Variants in SGCZ observed in about 807,000 individuals in gnomAD.
SGCZ encodes the protein sarcoglycan zeta, also known as zeta-sarcoglycan.
In SGCZ, 40 loss-of-function variants were observed where a neutral mutation model predicts 41.3. The ratio of observed to expected loss-of-function variants is 0.97; its 90% confidence interval spans 0.75 to 1.26. The LOEUF is 1.26. SGCZ is among the 50% of genes most tolerant of loss of function. The pLI is 0.00. For synonymous variants in SGCZ, 206 were observed against 137.5 expected, an observed-to-expected ratio of 1.50 and a Z score of -3.49; for missense variants, 552 against 369.8, an observed-to-expected ratio of 1.49 and a Z score of -4.04.
chr8:14,689,926 C>A (rs1405601607), intron 1 of SGCZ, among the ~76,000 whole-genome samples: 1 of 152,124 alleles, frequency 6.6e-6, no homozygotes, highest in Admixed American at 6.6e-5. Context: ...CTACGCAGGA[C>A]ACTGAAGAAA....
At chr8:15,172,089 C>T (rs1438405103) in intron 1 of SGCZ, among the ~76,000 whole-genome samples, 1 of 140,750 alleles carries the variant, frequency 7.1e-6, no homozygotes, top group East Asian at 2.1e-4. Flanking sequence ...GCCCGTTAAG[C>T]AAAATAGAAC....
intron 1 of SGCZ, among the ~76,000 whole-genome samples, chr8:15,187,944 G>C (rs186044292): frequency 2.0e-5 from 3 of 152,026 alleles, no homozygotes; most frequent in African/African-American, 7.2e-5. Context: ...TGTTGCTGTG[G>C]GTGAGTAGGG....
intron 4 of SGCZ, among the ~76,000 whole-genome samples, chr8:14,186,426 G>A (rs895166123): frequency 2.0e-5 from 3 of 152,144 alleles, no homozygotes; most frequent in Non-Finnish European, 4.4e-5. Context: ...CTTCATCTAT[G>A]TCACAGTATT....
intron 4 of SGCZ, among the ~76,000 whole-genome samples, chr8:14,189,012 C>G (rs1251900338): frequency 1.0e-5 from 1 of 96,492 alleles, no homozygotes; most frequent in Non-Finnish European, 1.9e-5. Flanking sequence ...CCTGCCACCA[C>G]GCCCAGCTTT....
chr8:14,751,582 G>A (rs1344107019), intron 1 of SGCZ, among the ~76,000 whole-genome samples: 3 of 152,112 alleles, frequency 2.0e-5, no homozygotes, highest in Non-Finnish European at 4.4e-5. Flanking sequence ...TATTTCCACA[G>A]ATTGAAGTCA....
In SGCZ at chr8:14,205,604, A is replaced by T. The variant is rs78252715; in HGVS notation, c.424+31988T>A. ...TAAATGATCTATTATATTTTCTTCA[A>T]TCTGACAAAGCAAACTATATAATCC... On this transcript the variant is annotated intron_variant, in intron 4 of 7. Coordinates refer to ENST00000382080, the MANE Select transcript of SGCZ (RefSeq NM_139167.4). 1.5e-3 allele frequency among the ~76,000 whole-genome samples: 224 copies of T among 152,210 alleles called. 2 individuals are homozygous for T. The highest frequency in any genetic ancestry group is 5.2e-3 in the African/African-American group (218 of 41,554).
At chr8:14,250,852 C>A (rs907071519) in intron 3 of SGCZ, among the ~76,000 whole-genome samples, 2 of 152,164 alleles carry the variant, frequency 1.3e-5, no homozygotes, top group Non-Finnish European at 2.9e-5. Flanking sequence ...GCTCCATACT[C>A]CTCATCCTTT....
intron 1 of SGCZ, among the ~76,000 whole-genome samples, chr8:14,830,600 T>A (rs1802492426): frequency 6.6e-6 from 1 of 152,214 alleles, no homozygotes; most frequent in Non-Finnish European, 1.5e-5. Context: ...TGCTATTTAT[T>A]GTTAAAAGAG....
chr8:15,118,877 C>A (rs1239783961), intron 1 of SGCZ, among the ~76,000 whole-genome samples: 1 of 152,064 alleles, frequency 6.6e-6, no homozygotes, highest in Non-Finnish European at 1.5e-5. Context: ...ATGGTATTGG[C>A]TTTTTAAAGG....
chr8:15,100,358 C>A (rs1806557843), intron 1 of SGCZ, among the ~76,000 whole-genome samples: 1 of 152,038 alleles, frequency 6.6e-6, no homozygotes, highest in Non-Finnish European at 1.5e-5. Flanking sequence ...TATATTATTA[C>A]ACACACATCA....
At chr8:14,712,870 G>A (rs1438849474) in intron 1 of SGCZ, among the ~76,000 whole-genome samples, 2 of 151,580 alleles carry the variant, frequency 1.3e-5, no homozygotes, top group Non-Finnish European at 2.9e-5. Flanking sequence ...CAATAGACCA[G>A]GTCACATTTT....
At chr8:14,253,298 G>T (rs1427448342) in intron 3 of SGCZ, among the ~76,000 whole-genome samples, 2 of 151,110 alleles carry the variant, frequency 1.3e-5, no homozygotes, top group African/African-American at 2.4e-5. Flanking sequence ...AGTGTTTGCA[G>T]ATTTAATTTT....
At chr8:14,206,654 G>T (rs1278709350) in intron 4 of SGCZ, among the ~76,000 whole-genome samples, 1 of 152,166 alleles carries the variant, frequency 6.6e-6, no homozygotes, top group Non-Finnish European at 1.5e-5. Context: ...ACTAGAAACA[G>T]ATTTATTCTG....
intron 1 of SGCZ, among the ~76,000 whole-genome samples, chr8:14,767,044 T>G (rs544301136): frequency 1.4e-5 from 2 of 145,696 alleles, no homozygotes; most frequent in Non-Finnish European, 3.1e-5. Flanking sequence ...TACACAATTA[T>G]ATAAATTTTA....
intron 2 of SGCZ, among the ~76,000 whole-genome samples, chr8:14,496,634 T>C (rs1369127317): frequency 2.6e-5 from 4 of 152,302 alleles, no homozygotes; most frequent in Admixed American, 6.5e-5. Context: ...AGAAAATTAA[T>C]CACATTCTTT....
chr8:14,692,681 C>T (rs1009977205), intron 1 of SGCZ, among the ~76,000 whole-genome samples: 1 of 152,116 alleles, frequency 6.6e-6, no homozygotes, highest in African/African-American at 2.4e-5. Flanking sequence ...TTGGGACCAA[C>T]TGAACATAAC....
chr8:14,609,632 C>A (rs1033367095), intron 1 of SGCZ, among the ~76,000 whole-genome samples: 9 of 152,134 alleles, frequency 5.9e-5, no homozygotes, highest in Non-Finnish European at 1.3e-4. Context: ...ATTTTTGACA[C>A]ATCATTCTAA....
rs538914594 is a variant in SGCZ, at chr8:14,642,175, G to A, written c.40-87249C>T. On this transcript the variant is annotated intron_variant, in intron 1 of 7. Coordinates refer to ENST00000382080, the MANE Select transcript of SGCZ (RefSeq NM_139167.4). ...TCATGGCTAATGAGACAACTAACGT[G>A]AATATTTCCTTGTCCTCTTTTAGGA... Among the ~76,000 whole-genome samples, 4 of 151,782 alleles carry A rather than the reference G, an allele frequency of 2.6e-5. No individual in the cohort carries two copies. In the South Asian group the frequency reaches 6.2e-4, roughly 24 times the overall value.
At chr8:15,132,208 A>G (rs1274623571) in intron 1 of SGCZ, among the ~76,000 whole-genome samples, 2 of 152,168 alleles carry the variant, frequency 1.3e-5, no homozygotes, top group Admixed American at 1.3e-4. Context: ...ATGGAGTTAA[A>G]GAGATTTAAA....
Sources: allele counts gnomAD v4.1 joint callset (sites outside exome capture counted in the v4.1 genomes callset), GRCh38; gene constraint gnomAD v4.1.1; transcripts MANE v1.5; gene names NCBI Gene and HGNC (gene_info 2026-07-23, HGNC 2026-07-21).